AKAP13: variants seen among roughly 807,000 people sequenced by gnomAD.
The protein encoded by AKAP13 is A-kinase anchor protein 13.
A neutral mutation model predicts 264.5 loss-of-function variants in AKAP13; 80 were observed. That is an observed-to-expected ratio of 0.30 (90% CI 0.25 to 0.36). The LOEUF is 0.36. Among genes scored for constraint, AKAP13 ranks in the 10% least tolerant of loss-of-function variants. The pLI is 1.00. For synonymous variants in AKAP13, 1,380 were observed against 1,250.2 expected (o/e 1.10, Z -2.19); for missense variants, 3,712 against 3,435.2 (o/e 1.08, Z -2.01).
At chr15:85,597,625 TC>T (rs1246088402) in intron 8 of AKAP13, among the ~76,000 whole-genome samples, 1 of 152,186 alleles carries the variant, frequency 6.6e-6, no homozygotes, top group Non-Finnish European at 1.5e-5. Context: ...CTGCAGTACT[TC>T]CTTTTAGCAA....
At chr15:85,447,431 A>G (rs1330943979) in intron 1 of AKAP13, among the ~76,000 whole-genome samples, 1 of 152,164 alleles carries the variant, frequency 6.6e-6, no homozygotes, top group Non-Finnish European at 1.5e-5. Flanking sequence ...ACAGATAAAC[A>G]CATGTCACGG....
chr15:85,620,426 G>T (rs1042978087), intron 8 of AKAP13, among the ~76,000 whole-genome samples: 21 of 152,102 alleles, frequency 1.4e-4, no homozygotes, highest in African/African-American at 4.3e-4. Flanking sequence ...TCTTATGCTT[G>T]GGAGAACCTC....
chr15:85,434,034 G>T (rs1214527866), intron 1 of AKAP13, among the ~76,000 whole-genome samples: 1 of 152,030 alleles, frequency 6.6e-6, no homozygotes, highest in East Asian at 1.9e-4. Context: ...CGCAGAAGAC[G>T]GGTGATTTCT....
At chr15:85,681,287 A>G (rs961195087) in intron 14 of AKAP13, among the ~76,000 whole-genome samples, 5 of 152,254 alleles carry the variant, frequency 3.3e-5, no homozygotes, top group Non-Finnish European at 5.9e-5. Context: ...TGGAATATAC[A>G]TGGAAATAGT....
At chr15:85,559,463 A>G (rs1275688075) in intron 5 of AKAP13, among the ~76,000 whole-genome samples, 1 of 152,134 alleles carries the variant, frequency 6.6e-6, no homozygotes, top group Non-Finnish European at 1.5e-5. Flanking sequence ...TACATTTATC[A>G]TGCACTTTAT....
chr15:85,384,157 A>G (rs1316983174), intron 1 of AKAP13, among the ~76,000 whole-genome samples: 2 of 152,194 alleles, frequency 1.3e-5, no homozygotes, highest in Non-Finnish European at 2.9e-5. Context: ...ATTTGATCAA[A>G]CTTACAGATT....
In AKAP13 at chr15:85,727,077, A is replaced by G; in HGVS notation, c.6834A>G (p.Ser2278=). The change falls in exon 28 of 37, where the codon TCA becomes TCG. Residue 2278 remains serine, a synonymous_variant. Coordinates refer to ENST00000394518, the MANE Select transcript of AKAP13 (RefSeq NM_007200.5). This position sits in a 1 kb window ranked among gnomAD's most constrained non-coding sequence, Gnocchi z 5.3. ...TTCCCTTTTTCCAGGACCAGAAGTC[A>G]ACAGTGATCTCTTTAAAGAAGCTGA... The part of the protein sequence containing the change: ...KYIFASLDQK[S]TVISLKKLIV... The G allele has an allele frequency of 6.2e-7, 1 of 1,614,200 alleles. No individual in the cohort carries two copies. The highest frequency in any genetic ancestry group is 8.5e-7 in the Non-Finnish European group (1 of 1,180,030).
At chr15:85,480,293 A>G (rs983245690) in intron 1 of AKAP13, among the ~76,000 whole-genome samples, 4 of 152,140 alleles carry the variant, frequency 2.6e-5, no homozygotes, top group African/African-American at 9.7e-5. Flanking sequence ...TCATTTAGCC[A>G]TTTATGGATT....
rs1171463265 is a variant in AKAP13 at position 85,747,833 on chromosome 15, C to T, written c.*3156C>T. The T allele has an allele frequency of 6.5e-6, 1 of 153,170 alleles. No individual in the cohort carries two copies. Among genetic ancestry groups the T allele is most frequent in the Non-Finnish European group, 1.5e-5 (1 of 68,042 alleles). 9.5% of individuals were successfully genotyped at this position (153,170 alleles called of 1,614,324 possible). Reference sequence around the variant, plus strand: ...AGGTACGAATCTTAACTTTTTTCCCCTTCTGTGTCTCAGGGTAATACTATT... The same window carrying T: ...AGGTACGAATCTTAACTTTTTTCCCTTTCTGTGTCTCAGGGTAATACTATT... On this transcript the variant is annotated 3_prime_UTR_variant, in exon 37 of 37. Transcript: ENST00000394518.
intron 1 of AKAP13, among the ~76,000 whole-genome samples, chr15:85,429,374 G>A (rs148950118): frequency 2.0e-5 from 3 of 152,228 alleles, no homozygotes; most frequent in Non-Finnish European, 4.4e-5. Flanking sequence ...GTCAGAGAGA[G>A]GCCTGACTAC....
In AKAP13 at chr15:85,735,602, G is replaced by C. The variant is rs1219461268; in HGVS notation, c.7484G>C (p.Arg2495Thr). The C allele has an allele frequency of 6.2e-7, 1 of 1,613,252 alleles. No individual in the cohort carries two copies. Among genetic ancestry groups the C allele is most frequent in the Non-Finnish European group, 8.5e-7 (1 of 1,179,796 alleles). The change falls in exon 32 of 37, where the codon AGA becomes ACA. Residue 2495 changes from arginine (R) to threonine (T), a missense_variant. This residue lies in a region of AKAP13 where 611 missense variants were observed against 539.3 expected (regional missense o/e 1.13). Coordinates refer to ENST00000394518, the MANE Select transcript of AKAP13 (RefSeq NM_007200.5). The stretch of plus-strand genomic sequence containing the variant: ...GGAGATGATGGCCAAGATCTTAGGA[G>C]AACGGAATCAGATAGTGGCCTAAAA... ...EEGDDGQDLR[R>T]TESDSGLKKG...
rs190975485 is a variant in AKAP13 at position 85,487,394 on chromosome 15, G to A, written c.33+1641G>A. ...AGTAAGTATGATGTTGTTAGGTGTG[G>A]GTTTTTCACAGGAATCTTTTGTTAA... On this transcript the variant is annotated intron_variant, in intron 2 of 36. Transcript: ENST00000394518. Among the ~76,000 whole-genome samples the A allele has an allele frequency of 3.9e-5, 6 of 152,168 alleles. No homozygotes were observed. In the East Asian group the frequency reaches 9.6e-4, roughly 24 times the overall value.
intron 11 of AKAP13, 60 bp from the exon 12 acceptor site, chr15:85,658,477 T>C (rs1041220102): frequency 2.7e-6 from 4 of 1,467,420 alleles, no homozygotes; most frequent in South Asian, 2.3e-5. Context: ...GTATGTTTCA[T>C]GCATTTGTAT....
chr15:85,424,317 A>G (rs1596123705), intron 1 of AKAP13, among the ~76,000 whole-genome samples: 1 of 152,336 alleles, frequency 6.6e-6, no homozygotes, highest in East Asian at 1.9e-4. Context: ...TTGTCTGGAT[A>G]ACTTCCTGCA....
chr15:85,646,083 A>G lies in AKAP13; in HGVS notation c.4374+129A>G, dbSNP rs190394131. 38 of 1,203,874 alleles carry G rather than the reference A, an allele frequency of 3.2e-5. No homozygotes were observed. The East Asian group carries it at 5.3e-4, about 17-fold the overall frequency. 74.6% of individuals were successfully genotyped at this position (1,203,874 alleles called of 1,614,324 possible). On this transcript the variant is annotated intron_variant, in intron 10 of 36. Transcript: ENST00000394518. ...TTTCCCTAAATATGTAACTCCTGCT[A>G]GTAAGTTGTGATCCAGCTAGCCTTG...
At chr15:85,562,672 C>CTTTCT (rs1182740449) in intron 5 of AKAP13, among the ~76,000 whole-genome samples, 115 of 111,980 alleles carry the variant, frequency 1.0e-3, no homozygotes, top group Admixed American at 8.7e-3. Context: ...CTTTCCTTTT[C>CTTTCT]TTTCTTTTCT....
At chr15:85,582,955 A>T in intron 7 of AKAP13, 1 of 985,450 alleles carries the variant, frequency 1.0e-6, no homozygotes, top group Non-Finnish European at 1.2e-6. Flanking sequence ...GTTCCGAGGC[A>T]GCAAAGAGAA....
intron 11 of AKAP13, among the ~76,000 whole-genome samples, chr15:85,657,473 G>A (rs537982741): frequency 6.6e-6 from 1 of 152,212 alleles, no homozygotes; most frequent in Admixed American, 6.5e-5. Context: ...GAGTCGAGTG[G>A]TATTATCCCC....
intron 1 of AKAP13, among the ~76,000 whole-genome samples, chr15:85,466,255 C>A (rs1371008568): frequency 2.0e-5 from 3 of 151,682 alleles, no homozygotes; most frequent in African/African-American, 4.8e-5. Flanking sequence ...GGATATTAGC[C>A]CTTTGTCAGA....
Sources: gnomAD v4.1 joint callset for allele counts (sites outside exome capture counted in the v4.1 genomes callset) on GRCh38, gnomAD v4.1.1 for gene constraint, gnomAD v4.1.1 regional missense constraint, Gnocchi (gnomAD v3.1) non-coding constraint, MANE v1.5 for transcripts, NCBI Gene and HGNC (gene_info 2026-07-23, HGNC 2026-07-21) for gene names.